The following CPNE4 variants were observed in gnomAD, a reference collection of about 807,000 sequenced individuals.
The protein encoded by CPNE4 is copine-4.
CPNE4 carries 25 observed loss-of-function variants against 67.9 expected under a neutral mutation model. The ratio of observed to expected loss-of-function variants is 0.37; its 90% confidence interval spans 0.27 to 0.51. The LOEUF is 0.51. Among genes scored for constraint, CPNE4 ranks in the 20% least tolerant of loss-of-function variants. CPNE4 has a pLI of 0.93. For synonymous variants in CPNE4, 242 were observed against 244.9 expected (o/e 0.99, Z 0.11); for missense variants, 464 against 690.8 (o/e 0.67, Z 3.68).
intron 1 of CPNE4, among the ~76,000 whole-genome samples, chr3:132,031,338 T>A: frequency 6.6e-6 from 1 of 152,212 alleles, no homozygotes; most frequent in East Asian, 1.9e-4. Flanking sequence ...GTTTTTCTTT[T>A]AAAATATTAA....
rs1351231863 is a variant in CPNE4 at position 131,699,939 on chromosome 3, A to G, written c.402T>C (p.His134=). 3.7e-6 allele frequency: 6 copies of G among 1,612,718 alleles called. No homozygotes were observed. Among genetic ancestry groups the G allele is most frequent in the African/African-American group, 2.7e-5 (2 of 74,982 alleles). ...TGGAAGATTTCCCTGCTGTGTTCCCATGCTTCAGCAAGGATTTGGACAGCT... is the reference window on the plus strand; with the variant it reads ...TGGAAGATTTCCCTGCTGTGTTCCCGTGCTTCAGCAAGGATTTGGACAGCT... The part of the protein sequence containing the change: ...QRKLSKSLLK[H]GNTAGKSSIT... The change falls in exon 4 of 16, where the codon CAT becomes CAC. Residue 134 remains histidine, a synonymous_variant. Transcript: ENST00000429747.
At chr3:131,720,533 C>A (rs1652405085) in intron 3 of CPNE4, among the ~76,000 whole-genome samples, 2 of 152,126 alleles carry the variant, frequency 1.3e-5, no homozygotes, top group South Asian at 4.1e-4. Context: ...ATCCGCCTGC[C>A]TCGGCTTCCC....
intron 7 of CPNE4, among the ~76,000 whole-genome samples, chr3:131,615,901 ACACACACACACACACACACACACACACG>A (rs1474555945): frequency 1.0e-4 from 10 of 98,204 alleles, no homozygotes; most frequent in African/African-American, 6.9e-4. Flanking sequence ...TCACACACAC[ACACACACACACACACACACACACACACG>A]CACACACACA....
At chr3:131,921,115 C>T (rs1170124254) in intron 1 of CPNE4, among the ~76,000 whole-genome samples, 1 of 152,192 alleles carries the variant, frequency 6.6e-6, no homozygotes, top group African/African-American at 2.4e-5. Context: ...AGAGTGACAA[C>T]TTTGCCTCTG....
chr3:131,988,329 T>A (rs1255467109), intron 1 of CPNE4, among the ~76,000 whole-genome samples: 1 of 152,184 alleles, frequency 6.6e-6, no homozygotes, highest in Non-Finnish European at 1.5e-5. Flanking sequence ...AGGATTCTGG[T>A]CTTTGTCTTA....
intron 1 of CPNE4, among the ~76,000 whole-genome samples, chr3:131,981,692 G>A (rs1033704309): frequency 3.3e-5 from 5 of 152,156 alleles, no homozygotes; most frequent in Admixed American, 1.3e-4. Context: ...TGCTCATCTC[G>A]CGTTGGATCA....
At chr3:131,783,572 CTTTGA>C (rs1040122072) in intron 2 of CPNE4, among the ~76,000 whole-genome samples, 5 of 151,966 alleles carry the variant, frequency 3.3e-5, no homozygotes, top group African/African-American at 1.2e-4. Flanking sequence ...TGCTTAGTGA[CTTTGA>C]TTTTTTTTTG....
At chr3:132,018,837 C>G (rs753333469) in intron 1 of CPNE4, among the ~76,000 whole-genome samples, 2 of 152,072 alleles carry the variant, frequency 1.3e-5, no homozygotes, top group Non-Finnish European at 2.9e-5. Flanking sequence ...AAAGAATAAC[C>G]AGGGATATAC....
At chr3:131,670,547 A>T (rs2080383720) in intron 6 of CPNE4, among the ~76,000 whole-genome samples, 1 of 152,168 alleles carries the variant, frequency 6.6e-6, no homozygotes, top group African/African-American at 2.4e-5. Context: ...CTAGCATTGT[A>T]CTGTGTACTT....
At chr3:131,970,614 T>G (rs1177497996) in intron 1 of CPNE4, among the ~76,000 whole-genome samples, 3 of 152,222 alleles carry the variant, frequency 2.0e-5, no homozygotes, top group African/African-American at 2.4e-5. Flanking sequence ...TTATAATCTT[T>G]CCTTATGCTG....
intron 2 of CPNE4, among the ~76,000 whole-genome samples, chr3:131,849,087 C>T (rs2086131646): frequency 6.6e-6 from 1 of 151,450 alleles, no homozygotes; most frequent in South Asian, 2.1e-4. Context: ...TCCTAATGGT[C>T]GATTTCATCA....
chr3:131,981,516 T>C (rs2072908862), intron 1 of CPNE4, among the ~76,000 whole-genome samples: 1 of 152,122 alleles, frequency 6.6e-6, no homozygotes. Context: ...CCACACAAAC[T>C]GAAGAGCCAG....
chr3:132,014,352 C>G (rs1482514791), intron 1 of CPNE4, among the ~76,000 whole-genome samples: 2 of 152,020 alleles, frequency 1.3e-5, no homozygotes, highest in Non-Finnish European at 2.9e-5. Flanking sequence ...CTCCTCATCT[C>G]TCTCTCTCCA....
At chr3:131,903,959 TAG>T (rs1178197177) in intron 2 of CPNE4, among the ~76,000 whole-genome samples, 3 of 152,130 alleles carry the variant, frequency 2.0e-5, no homozygotes, top group Non-Finnish European at 2.9e-5. Context: ...CGTGATCAGT[TAG>T]AGTCTAGCAG....
intron 2 of CPNE4, among the ~76,000 whole-genome samples, chr3:131,814,795 G>A (rs1283116365): frequency 2.2e-5 from 3 of 139,124 alleles, no homozygotes; most frequent in African/African-American, 3.3e-5. Flanking sequence ...TAGTAGAGAC[G>A]GGGTTTCACC....
chr3:131,913,988 T>C (rs1007824354), intron 1 of CPNE4, among the ~76,000 whole-genome samples: 1 of 152,344 alleles, frequency 6.6e-6, no homozygotes, highest in Non-Finnish European at 1.5e-5. Flanking sequence ...TGTTGTTTTT[T>C]AATTGGACCA....
At chr3:131,885,302 T>C (rs1236760568) in intron 2 of CPNE4, among the ~76,000 whole-genome samples, 1 of 151,732 alleles carries the variant, frequency 6.6e-6, no homozygotes, top group African/African-American at 2.4e-5. Context: ...GAACTTGAGA[T>C]AGATGATTTA....
intron 2 of CPNE4, among the ~76,000 whole-genome samples, chr3:131,839,424 A>T (rs1026303338): frequency 1.3e-5 from 2 of 151,126 alleles, no homozygotes; most frequent in South Asian, 4.1e-4. Flanking sequence ...TATATCATAC[A>T]TTATATTAAA....
chr3:131,958,606 T>C (rs1175722812), intron 1 of CPNE4, among the ~76,000 whole-genome samples: 1 of 71,774 alleles, frequency 1.4e-5, no homozygotes, highest in Non-Finnish European at 3.0e-5. Context: ...CTTTCTTTCT[T>C]TTCTTTTTTT....
Sources: gnomAD v4.1 joint callset for allele counts (sites outside exome capture counted in the v4.1 genomes callset) on GRCh38, gnomAD v4.1.1 for gene constraint, MANE v1.5 for transcripts, NCBI Gene and HGNC (gene_info 2026-07-23, HGNC 2026-07-21) for gene names.